Variants in MYPOP observed in about 807,000 individuals in gnomAD.
The protein encoded by MYPOP is Myb related transcription factor, partner of profilin, also known as myb-related transcription factor, partner of profilin.
In MYPOP, 21 loss-of-function variants were observed where a neutral mutation model predicts 25.7. The observed-to-expected ratio is 0.82, with a 90% CI of 0.58 to 1.18. The LOEUF (loss-of-function observed/expected upper bound fraction) is 1.18, where lower values mean the gene tolerates loss of function less well. Among genes scored for constraint, MYPOP ranks in the 50% most tolerant of loss-of-function variants. The pLI is 0.00. For synonymous variants in MYPOP, 280 were observed against 247.9 expected, an observed-to-expected ratio of 1.13 and a Z score of -1.22; for missense variants, 566 against 588.3, an observed-to-expected ratio of 0.96 and a Z score of 0.39.
intron 2 of MYPOP, among the ~76,000 whole-genome samples, chr19:45,895,983 TAAC>T (rs1289665313): frequency 6.7e-6 from 1 of 149,562 alleles, no homozygotes; most frequent in Non-Finnish European, 1.5e-5. Flanking sequence ...AAAAAAAAAA[TAAC>T]AAAAACAAAA....
At chr19:45,898,524 T>C (rs1361183692) in intron 2 of MYPOP, among the ~76,000 whole-genome samples, 1 of 152,022 alleles carries the variant, frequency 6.6e-6, no homozygotes, top group East Asian at 1.9e-4. Flanking sequence ...GGTTTCTCCA[T>C]GTTGGTCAGG....
intron 2 of MYPOP, among the ~76,000 whole-genome samples, chr19:45,898,997 C>G (rs367875620): frequency 2.0e-5 from 3 of 151,786 alleles, no homozygotes; most frequent in Admixed American, 6.6e-5. Context: ...GTGGCCAAGG[C>G]GGGCAGATCA....
Position 45,890,463 on chromosome 19 carries a change from C to T in MYPOP, c.*160G>A, listed in dbSNP as rs1285172909. Reference sequence around the variant, plus strand: ...GGGTTGGGGGGGCCCATTACTGAGGCCCCCCCCAGAGAATCAGGCACTAAC... The same window carrying T: ...GGGTTGGGGGGGCCCATTACTGAGGTCCCCCCCAGAGAATCAGGCACTAAC... On this transcript the variant is annotated 3_prime_UTR_variant, in exon 3 of 3. Transcript: ENST00000322217. 2 of 1,197,564 alleles carry T rather than the reference C, an allele frequency of 1.7e-6. No homozygotes were observed. The highest frequency in any genetic ancestry group is 6.3e-5 in the Admixed American group (2 of 31,760). 74.2% of individuals were successfully genotyped at this position (1,197,564 alleles called of 1,614,324 possible). A position where few individuals can be genotyped will look rare whatever the true frequency, so the allele number is the denominator to read the frequency against.
In MYPOP at chr19:45,891,230, T is replaced by C; in HGVS notation, c.593A>G (p.Lys198Arg). 1.3e-6 allele frequency: 2 copies of C among 1,542,494 alleles called. No individual in the cohort carries two copies. The highest frequency in any genetic ancestry group is 1.7e-6 in the Non-Finnish European group (2 of 1,149,188). ...TPQEGGCPRP[K>R]ERESPPPSAL... The stretch of plus-strand genomic sequence containing the variant: ...CGAAGGGGGTGGTGACTCACGCTCC[T>C]TGGGCCGTGGGCAGCCCCCTTCCTG... The change falls in exon 3 of 3, where the codon AAG becomes AGG. Residue 198 changes from lysine (K) to arginine (R), a missense_variant. By Grantham distance (26) the Lys-to-Arg change is conservative. Transcript: ENST00000322217.
At chr19:45,894,446 C>T (rs1967172960) in intron 2 of MYPOP, among the ~76,000 whole-genome samples, 2 of 152,074 alleles carry the variant, frequency 1.3e-5, no homozygotes, top group African/African-American at 4.8e-5. Context: ...CACAGTCTTG[C>T]TCTCTCGCTC....
chr19:45,902,081 G>A (rs1015276144), intron 1 of MYPOP, among the ~76,000 whole-genome samples: 2 of 150,962 alleles, frequency 1.3e-5, no homozygotes, highest in African/African-American at 2.4e-5. Flanking sequence ...GGTCTGGAGG[G>A]ATGGAAGGAA....
intron 2 of MYPOP, among the ~76,000 whole-genome samples, chr19:45,897,016 A>G (rs1183238641): frequency 6.6e-6 from 1 of 151,424 alleles, no homozygotes; most frequent in Non-Finnish European, 1.5e-5. Flanking sequence ...TTGGCCTTCT[A>G]AAGTGCTGGG....
intron 2 of MYPOP, among the ~76,000 whole-genome samples, chr19:45,895,310 A>G (rs759409195): frequency 5.3e-5 from 8 of 151,884 alleles, no homozygotes; most frequent in Non-Finnish European, 1.2e-4. Context: ...CAGTGGTGCA[A>G]TCTCGGCTCA....
In MYPOP at chr19:45,901,730, A is replaced by T; in HGVS notation, c.44T>A (p.Leu15Ter). 6.4e-7 allele frequency: 1 copy of T among 1,552,238 alleles called. No homozygotes were observed. Among genetic ancestry groups the T allele is most frequent in the Non-Finnish European group, 8.7e-7 (1 of 1,152,806 alleles). ...TTCGAATGAGAAGCGCGGCTTGCGCAACCGGGTGGTTTCCTCCGCTTCGCC... is the reference window on the plus strand; with the variant it reads ...TTCGAATGAGAAGCGCGGCTTGCGCTACCGGGTGGTTTCCTCCGCTTCGCC... ...AAGEAEETTR[L>*]RKPRFSFEEN... The change falls in exon 2 of 3, where the codon TTG (leucine) becomes TAG (stop). Residue 15 changes from leucine (L) to a stop codon, truncating the protein, a stop_gained. Transcript: ENST00000322217. LOFTEE classifies it high-confidence loss of function. This position sits in a 1 kb window ranked among gnomAD's most constrained non-coding sequence, Gnocchi z 5.7.
Position 45,890,446 on chromosome 19 carries a change from G to C in MYPOP, c.*177C>G. 9.8e-7 allele frequency: 1 copy of C among 1,020,724 alleles called. No individual in the cohort carries two copies. The highest frequency in any genetic ancestry group is 1.4e-6 in the Non-Finnish European group (1 of 734,254). 63.2% of individuals were successfully genotyped at this position (1,020,724 alleles called of 1,614,324 possible). A position where few individuals can be genotyped will look rare whatever the true frequency, so the allele number is the denominator to read the frequency against. On this transcript the variant is annotated 3_prime_UTR_variant, in exon 3 of 3. Transcript: ENST00000322217. ...CACTGTACCAGAGAAAGGGGTTGGGGGGGCCCATTACTGAGGCCCCCCCCA... is the reference window on the plus strand; with the variant it reads ...CACTGTACCAGAGAAAGGGGTTGGGCGGGCCCATTACTGAGGCCCCCCCCA...
At position 45,891,326 on chromosome 19, in the gene MYPOP, G is replaced by A; in HGVS notation, c.500-3C>T. 1 of 1,492,898 alleles carries A rather than the reference G, an allele frequency of 6.7e-7. No individual in the cohort carries two copies. Among genetic ancestry groups the A allele is most frequent in the Admixed American group, 2.3e-5 (1 of 43,396 alleles). The allele number at this position is 1,492,898 out of a possible 1,614,324, so 92.5% of individuals were successfully genotyped here. A position where few individuals can be genotyped will look rare whatever the true frequency, so the allele number is the denominator to read the frequency against. The stretch of plus-strand genomic sequence containing the variant: ...CGCCTTGCTGTGGGCTGATGTATCT[G>A]TAGAGAGAGAAATACAGGTAAGGGG... On this transcript the variant is annotated splice_polypyrimidine_tract_variant and splice_region_variant and intron_variant, in intron 2 of 2. Transcript: ENST00000322217.
chr19:45,892,046 A>C (rs988095510), intron 2 of MYPOP, among the ~76,000 whole-genome samples: 10 of 151,904 alleles, frequency 6.6e-5, no homozygotes, highest in African/African-American at 2.4e-4. Context: ...CAGCCTCCTA[A>C]GTAGCTGGGA....
chr19:45,897,646 C>G (rs1046156068), intron 2 of MYPOP, among the ~76,000 whole-genome samples: 2 of 151,980 alleles, frequency 1.3e-5, no homozygotes, highest in Non-Finnish European at 2.9e-5. Flanking sequence ...ACCTCCGCCT[C>G]CCAGGTTCAA....
rs1340895333 is a variant in MYPOP, at chr19:45,891,258, G to A, written c.565C>T (p.Pro189Ser). Residue 189 changes from proline to serine, a missense_variant, in exon 3 of 3, where the codon CCC becomes TCC. Physicochemically the swap from Pro to Ser is moderately conservative, Grantham distance 74 (BLOSUM62 -1). Transcript: ENST00000322217. ...PEPWARPSCT[P>S]QEGGCPRPKE... ...GGCCGTGGGCAGCCCCCTTCCTGGG[G>A]AGTGCAGGAGGGCCGGGCCCATGGC... 1.9e-6 allele frequency: 3 copies of A among 1,551,892 alleles called. No homozygotes were observed. The South Asian group carries it at 3.6e-5, about 18-fold the overall frequency.
In MYPOP at chr19:45,890,461, G is replaced by GC; in HGVS notation, c.*161_*162insG. ...AGGGGTTGGGGGGGCCCATTACTGA[G>GC]GCCCCCCCCAGAGAATCAGGCACTA... On this transcript the variant is annotated 3_prime_UTR_variant, in exon 3 of 3. Coordinates refer to ENST00000322217, the MANE Select transcript of MYPOP (RefSeq NM_001012643.4). The GC allele has an allele frequency of 8.2e-7, 1 of 1,222,896 alleles. No homozygotes were observed. Among genetic ancestry groups the GC allele is most frequent in the East Asian group, 2.8e-5 (1 of 35,466 alleles). 75.8% of individuals were successfully genotyped at this position (1,222,896 alleles called of 1,614,324 possible).
At chr19:45,898,690 T>C (rs755527131) in intron 2 of MYPOP, among the ~76,000 whole-genome samples, 2 of 152,114 alleles carry the variant, frequency 1.3e-5, no homozygotes, top group Non-Finnish European at 2.9e-5. Context: ...TTGCACGTGC[T>C]GTTTCCTCTA....
chr19:45,890,887 T>TGGGGGGGGGGGGGGGGGGGGG lies in MYPOP; in HGVS notation c.935_936insCCCCCCCCCCCCCCCCCCCCC (p.Pro314_Pro320dup). On this transcript the variant is annotated inframe_insertion, in exon 3 of 3. Coordinates refer to ENST00000322217, the MANE Select transcript of MYPOP (RefSeq NM_001012643.4). Reference sequence around the variant, plus strand: ...TGGGAGGTGGCGGTGGGGGTGGGGGTGGGGGCAGAGGTGGAGGCAGGGAGT... The same window carrying TGGGGGGGGGGGGGGGGGGGGG: ...TGGGAGGTGGCGGTGGGGGTGGGGGTGGGGGGGGGGGGGGGGGGGGGGGGGGCAGAGGTGGAGGCAGGGAGT... 1 of 226,964 alleles carries TGGGGGGGGGGGGGGGGGGGGG rather than the reference T, an allele frequency of 4.4e-6. No individual in the cohort carries two copies. Among genetic ancestry groups the TGGGGGGGGGGGGGGGGGGGGG allele is most frequent in the Non-Finnish European group, 5.8e-6 (1 of 173,866 alleles). The allele number at this position is 226,964 out of a possible 1,614,324, so 14.1% of individuals were successfully genotyped here. A position where few individuals can be genotyped will look rare whatever the true frequency, so the allele number is the denominator to read the frequency against.
intron 2 of MYPOP, among the ~76,000 whole-genome samples, chr19:45,894,919 A>G (rs1344122662): frequency 2.0e-5 from 3 of 151,808 alleles, no homozygotes; most frequent in Non-Finnish European, 4.4e-5. Flanking sequence ...GGGTTTCACC[A>G]TGTTGGCCAG....
Position 45,901,261 on chromosome 19 carries a change from C to A in MYPOP, c.499+14G>T. ...CAACAGCGCAGGCACACAGCCTACT[C>A]TGAAGACACTCACCTGCACGTCGGT... is the stretch of plus-strand genomic sequence containing the variant. On this transcript the variant is annotated intron_variant, in intron 2 of 2. Transcript: ENST00000322217. This position sits in a 1 kb window ranked among gnomAD's most constrained non-coding sequence, Gnocchi z 5.7. The A allele has an allele frequency of 6.9e-7, 1 of 1,440,774 alleles. No homozygotes were observed. The highest frequency in any genetic ancestry group is 9.1e-7 in the Non-Finnish European group (1 of 1,097,386). The allele number at this position is 1,440,774 out of a possible 1,614,324, so 89.2% of individuals were successfully genotyped here.
Sources: gnomAD v4.1 joint callset for allele counts (sites outside exome capture counted in the v4.1 genomes callset) on GRCh38, gnomAD v4.1.1 for gene constraint, Gnocchi (gnomAD v3.1) non-coding constraint, MANE v1.5 for transcripts, NCBI Gene and HGNC (gene_info 2026-07-23, HGNC 2026-07-21) for gene names.